HAVCR2: variants seen among roughly 807,000 people sequenced by gnomAD.
HAVCR2 encodes T cell immunoglobulin mucin 3.
In HAVCR2, 13 loss-of-function variants were observed where a neutral mutation model predicts 24.7. The observed-to-expected ratio is 0.53, with a 90% confidence interval of 0.34 to 0.84. The LOEUF is 0.84. HAVCR2 is among the 40% of genes least tolerant of loss of function. The pLI, the probability that HAVCR2 is intolerant of heterozygous loss-of-function variation, is 0.01. For synonymous variants in HAVCR2, 154 were observed against 143.4 expected (o/e 1.07, Z -0.53); for missense variants, 343 against 371.2 (o/e 0.92, Z 0.62).
chr5:157,095,916 C>T (rs1445841824), intron 4 of HAVCR2, among the ~76,000 whole-genome samples: 1 of 152,058 alleles, frequency 6.6e-6, no homozygotes, highest in South Asian at 2.1e-4. Flanking sequence ...TACAGCCAGA[C>T]GGTCGTGGAT....
chr5:157,103,067 G>A (rs898843976), intron 3 of HAVCR2, among the ~76,000 whole-genome samples: 6 of 151,592 alleles, frequency 4.0e-5, no homozygotes, highest in African/African-American at 1.2e-4. Flanking sequence ...CAGTGGTGAT[G>A]TAGTAAAAAG....
At chr5:157,091,891 T>C (rs1184174894) in intron 5 of HAVCR2, among the ~76,000 whole-genome samples, 7 of 152,266 alleles carry the variant, frequency 4.6e-5, no homozygotes, top group South Asian at 2.1e-4. Context: ...TGGGGCATTA[T>C]TGAGTGTCAG....
chr5:157,089,751 C>T (rs1756968594), intron 5 of HAVCR2, among the ~76,000 whole-genome samples: 1 of 151,996 alleles, frequency 6.6e-6, no homozygotes, highest in African/African-American at 2.4e-5. Context: ...GAGGGAGCCC[C>T]TTGTAAAGAT....
intron 5 of HAVCR2, among the ~76,000 whole-genome samples, chr5:157,092,899 A>AT (rs1451844952): frequency 2.6e-5 from 3 of 113,914 alleles, no homozygotes; most frequent in African/African-American, 1.1e-4. Context: ...AAAAAAAAAA[A>AT]AAAAAAAAAA....
chr5:157,089,429 G>A (rs962915440), intron 5 of HAVCR2, among the ~76,000 whole-genome samples: 2 of 151,946 alleles, frequency 1.3e-5, no homozygotes, highest in African/African-American at 2.4e-5. Context: ...CCAGCTACTC[G>A]GGAGGCTGAG....
At chr5:157,101,602 A>G (rs367829694) in intron 3 of HAVCR2, among the ~76,000 whole-genome samples, 122 of 152,258 alleles carry the variant, frequency 8.0e-4, no homozygotes, top group African/African-American at 2.9e-3. Context: ...ACTTTGCCCA[A>G]GATCACACAG....
intron 5 of HAVCR2, among the ~76,000 whole-genome samples, chr5:157,094,348 GTATTTATT>G (rs571539256): frequency 2.0e-5 from 3 of 150,814 alleles, no homozygotes; most frequent in Admixed American, 1.3e-4. Context: ...CCTGGCCATT[GTATTTATT>G]TATTTATTTA....
At chr5:157,100,957 G>A (rs1032694580) in intron 3 of HAVCR2, among the ~76,000 whole-genome samples, 1 of 151,984 alleles carries the variant, frequency 6.6e-6, no homozygotes, top group Admixed American at 6.6e-5. Flanking sequence ...TTAGCCGGGC[G>A]TGGTGGTGTA....
rs200815483 is a variant in HAVCR2, at chr5:157,087,344, G to A, written c.714-50C>T. ...GAGTTAAGCATTTCCCAGGTAACACGGAATAGAGTTAAGAGAATAGGCTTT... is the reference window on the plus strand; with the variant it reads ...GAGTTAAGCATTTCCCAGGTAACACAGAATAGAGTTAAGAGAATAGGCTTT... On this transcript the variant is annotated intron_variant, in intron 6 of 6. Coordinates refer to ENST00000307851, the MANE Select transcript of HAVCR2 (RefSeq NM_032782.5). 334 of 1,498,620 alleles carry A rather than the reference G, an allele frequency of 2.2e-4. 1 individual carries two copies. Among genetic ancestry groups the A allele is most frequent in the Admixed American group, 1.2e-3 (58 of 47,628 alleles). The allele number at this position is 1,498,620 out of a possible 1,614,324, so 92.8% of individuals were successfully genotyped here.
At position 157,109,039 on chromosome 5, in the gene HAVCR2, C is replaced by G; in HGVS notation, c.-56G>C. The stretch of plus-strand genomic sequence containing the variant: ...CTCTGTTAGGCACAGTTTTAACTCT[C>G]CAAATGGACTGGGTACTTCTTCCAA... On this transcript the variant is annotated 5_prime_UTR_variant, in exon 1 of 7. Coordinates refer to ENST00000307851, the MANE Select transcript of HAVCR2 (RefSeq NM_032782.5). The G allele has an allele frequency of 1.3e-6, 2 of 1,506,332 alleles. No individual in the cohort carries two copies. The highest frequency in any genetic ancestry group is 1.8e-6 in the Non-Finnish European group (2 of 1,084,206). The allele number at this position is 1,506,332 out of a possible 1,614,324, so 93.3% of individuals were successfully genotyped here.
At chr5:157,096,518 C>G (rs1757095707) in intron 4 of HAVCR2, among the ~76,000 whole-genome samples, 1 of 152,126 alleles carries the variant, frequency 6.6e-6, no homozygotes, top group Admixed American at 6.6e-5. Context: ...GTGGCTCACG[C>G]CTGTAGTCCC....
intron 2 of HAVCR2, among the ~76,000 whole-genome samples, chr5:157,105,554 T>A (rs888019780): frequency 6.6e-6 from 1 of 152,200 alleles, no homozygotes; most frequent in African/African-American, 2.4e-5. Flanking sequence ...TATTATCACA[T>A]AAAATCCTTC....
intron 1 of HAVCR2, among the ~76,000 whole-genome samples, chr5:157,108,033 T>C (rs1757276797): frequency 1.3e-5 from 2 of 152,064 alleles, no homozygotes; most frequent in African/African-American, 4.8e-5. Flanking sequence ...TCTCCTCATT[T>C]TCCTCAAATG....
At chr5:157,093,080 AATAT>A (rs72414882) in intron 5 of HAVCR2, among the ~76,000 whole-genome samples, 1 of 142,766 alleles carries the variant, frequency 7.0e-6, no homozygotes, top group African/African-American at 2.7e-5. Flanking sequence ...AATAATAATA[AATAT>A]ATATATATAT....
At chr5:157,100,822 T>C (rs1188687773) in intron 3 of HAVCR2, among the ~76,000 whole-genome samples, 2 of 152,074 alleles carry the variant, frequency 1.3e-5, no homozygotes, top group South Asian at 2.1e-4. Context: ...ACAGGCCTGG[T>C]GCAGTGGCTC....
At chr5:157,107,016 A>G in intron 1 of HAVCR2, 54 bp from the exon 2 acceptor site, 1 of 1,441,628 alleles carries the variant, frequency 6.9e-7, no homozygotes, top group Non-Finnish European at 9.5e-7. Flanking sequence ...AGGTTACTCC[A>G]TTTCAGGAAA....
intron 5 of HAVCR2, among the ~76,000 whole-genome samples, chr5:157,091,275 G>A (rs192913749): frequency 9.9e-5 from 15 of 152,112 alleles, no homozygotes; most frequent in East Asian, 9.7e-4. Context: ...TGAAACCCCC[G>A]TCTCTACTAA....
chr5:157,099,678 C>A (rs1412699274), intron 3 of HAVCR2, among the ~76,000 whole-genome samples: 1 of 151,914 alleles, frequency 6.6e-6, no homozygotes, highest in Non-Finnish European at 1.5e-5. Flanking sequence ...CAACTCACTG[C>A]AACCTCCATG....
At chr5:157,107,867 C>T (rs546123758) in intron 1 of HAVCR2, among the ~76,000 whole-genome samples, 5 of 150,014 alleles carry the variant, frequency 3.3e-5, no homozygotes, top group Admixed American at 1.3e-4. Flanking sequence ...CTGCCCCCCC[C>T]CCTTTTTTAT....
Sources: allele counts gnomAD v4.1 joint callset (sites outside exome capture counted in the v4.1 genomes callset), GRCh38; gene constraint gnomAD v4.1.1; transcripts MANE v1.5; gene names NCBI Gene and HGNC (gene_info 2026-07-23, HGNC 2026-07-21).